NOL10: variants seen among roughly 807,000 people sequenced by gnomAD.
NOL10 encodes nucleolar protein 10, also known as H_NH0074G24.1.
NOL10 carries 58 observed loss-of-function variants against 103.5 expected under a neutral mutation model. The ratio of observed to expected loss-of-function variants is 0.56; its 90% CI spans 0.45 to 0.70. The LOEUF is 0.70. Among genes scored for constraint, NOL10 ranks in the 30% least tolerant of loss-of-function variants. The pLI is 0.00. For synonymous variants in NOL10, 287 were observed against 282.5 expected (o/e 1.02, Z -0.16); for missense variants, 763 against 807.3 (o/e 0.95, Z 0.67).
chr2:10,614,202 C>T (rs752638408), intron 13 of NOL10, among the ~76,000 whole-genome samples: 16 of 152,028 alleles, frequency 1.1e-4, no homozygotes, highest in Admixed American at 2.6e-4. Context: ...TCGGGTGATC[C>T]GCTCACCTCG....
At chr2:10,604,274 C>T (rs1389175653) in intron 14 of NOL10, among the ~76,000 whole-genome samples, 1 of 152,220 alleles carries the variant, frequency 6.6e-6, no homozygotes, top group Non-Finnish European at 1.5e-5. Context: ...GTATAAGTGA[C>T]TGTCTTTCTA....
At chr2:10,639,295 G>A (rs867321831) in intron 13 of NOL10, among the ~76,000 whole-genome samples, 27 of 152,108 alleles carry the variant, frequency 1.8e-4, no homozygotes, top group Non-Finnish European at 2.6e-4. Context: ...GGCAGCGTGC[G>A]CCTATAGTCC....
At chr2:10,675,351 A>G (rs1243369037) in intron 4 of NOL10, among the ~76,000 whole-genome samples, 1 of 152,164 alleles carries the variant, frequency 6.6e-6, no homozygotes, top group African/African-American at 2.4e-5. Context: ...GACAGCCAGA[A>G]GGAAATGGGA....
intron 19 of NOL10, among the ~76,000 whole-genome samples, chr2:10,578,202 C>A (rs1475375093): frequency 2.0e-5 from 3 of 152,176 alleles, no homozygotes; most frequent in Non-Finnish European, 4.4e-5. Flanking sequence ...CAAATTAAGT[C>A]CTCCAGGTCA....
intron 1 of NOL10, among the ~76,000 whole-genome samples, chr2:10,688,215 C>G (rs544535805): frequency 1.8e-4 from 28 of 152,190 alleles, no homozygotes; most frequent in Non-Finnish European, 3.2e-4. Context: ...AGTCGCTCAC[C>G]TGGACTACCT....
At chr2:10,684,418 G>A (rs1329313717) in intron 2 of NOL10, 149 bp downstream of exon 2, 2 of 656,706 alleles carry the variant, frequency 3.0e-6, no homozygotes, top group African/African-American at 3.7e-5. Flanking sequence ...CCATGTCAAA[G>A]GAAAAAAAAG....
intron 19 of NOL10, 72 bp from the exon 20 acceptor site, chr2:10,577,810 AT>A: frequency 1.0e-6 from 1 of 980,480 alleles, no homozygotes; most frequent in Non-Finnish European, 1.6e-6. Flanking sequence ...ACAAGTTTTG[AT>A]TAGAATTGAT....
chr2:10,640,276 ACC>A (rs1678610819), intron 13 of NOL10, among the ~76,000 whole-genome samples: 1 of 152,178 alleles, frequency 6.6e-6, no homozygotes, highest in Non-Finnish European at 1.5e-5. Flanking sequence ...AGGCTTTCAG[ACC>A]CCTGGGCTCT....
chr2:10,603,270 T>C (rs1211349933), intron 14 of NOL10, 113 bp from the exon 15 acceptor site: 1 of 730,434 alleles, frequency 1.4e-6, no homozygotes, highest in African/African-American at 1.8e-5. Flanking sequence ...AGACTAAAAA[T>C]TTAAGGATTA....
At position 10,571,818 on chromosome 2, in the gene NOL10, C is replaced by A; in HGVS notation, c.*253G>T. On this transcript the variant is annotated 3_prime_UTR_variant, in exon 21 of 21. Transcript: ENST00000381685. Reference sequence around the variant, plus strand: ...CCAGCCTGGTTTTCATGATTAACGCCGTGGGGAAAGGACAATGTTTCCAGG... The same window carrying A: ...CCAGCCTGGTTTTCATGATTAACGCAGTGGGGAAAGGACAATGTTTCCAGG... 1 of 352,524 alleles carries A rather than the reference C, an allele frequency of 2.8e-6. No individual in the cohort carries two copies. Among genetic ancestry groups the A allele is most frequent in the African/African-American group, 2.1e-5 (1 of 47,520 alleles). The allele number at this position is 352,524 out of a possible 1,614,324, so 21.8% of individuals were successfully genotyped here.
intron 13 of NOL10, 80 bp from the exon 14 acceptor site, chr2:10,607,391 G>A (rs1161601148): frequency 7.0e-7 from 1 of 1,425,734 alleles, no homozygotes; most frequent in Non-Finnish European, 9.3e-7. Context: ...ACCAGATTTT[G>A]TTAAACATGA....
chr2:10,658,859 G>A (rs1343072736), intron 10 of NOL10, among the ~76,000 whole-genome samples: 1 of 152,146 alleles, frequency 6.6e-6, no homozygotes, highest in Non-Finnish European at 1.5e-5. Context: ...TGGGGGGATC[G>A]CCTGAGCCCA....
chr2:10,668,643 A>G lies in NOL10; in HGVS notation c.530+15T>C. 1 of 1,267,846 alleles carries G rather than the reference A, an allele frequency of 7.9e-7. No homozygotes were observed. The highest frequency in any genetic ancestry group is 1.0e-6 in the Non-Finnish European group (1 of 957,416). The allele number at this position is 1,267,846 out of a possible 1,614,324, so 78.5% of individuals were successfully genotyped here. On this transcript the variant is annotated intron_variant, in intron 7 of 20. Coordinates refer to ENST00000381685, the MANE Select transcript of NOL10 (RefSeq NM_024894.4). ...TGGTCAAAATGTATATAGCAGAATT[A>G]CTAAAACTACTCACGCAGCATCAGT...
At chr2:10,578,133 C>T (rs149735696) in intron 19 of NOL10, among the ~76,000 whole-genome samples, 23 of 152,272 alleles carry the variant, frequency 1.5e-4, no homozygotes, top group African/African-American at 5.1e-4. Context: ...TTAAACAATA[C>T]ACAAATTAGG....
chr2:10,667,723 G>A (rs1457329961), intron 7 of NOL10, among the ~76,000 whole-genome samples: 1 of 152,086 alleles, frequency 6.6e-6, no homozygotes, highest in Non-Finnish European at 1.5e-5. Context: ...CCTACCTCGG[G>A]GGGTTGTTAT....
At chr2:10,671,751 T>C in intron 5 of NOL10, 61 bp from the exon 6 acceptor site, 1 of 1,336,448 alleles carries the variant, frequency 7.5e-7, no homozygotes, top group South Asian at 1.4e-5. Context: ...TACTTCATTA[T>C]CGCTAAAAAA....
At chr2:10,615,973 C>A (rs1041801723) in intron 13 of NOL10, among the ~76,000 whole-genome samples, 1 of 152,092 alleles carries the variant, frequency 6.6e-6, no homozygotes, top group African/African-American at 2.4e-5. Context: ...TAATGGCAGT[C>A]TAGACATCAA....
Position 10,589,197 on chromosome 2 carries a change from G to A in NOL10, c.1690C>T (p.Gln564Ter), listed in dbSNP as rs773975890. The change falls in exon 19 of 21, where the codon CAA becomes TAA. Residue 564 changes from glutamine (Q) to a stop codon, truncating the protein, a stop_gained. Coordinates refer to ENST00000381685, the MANE Select transcript of NOL10 (RefSeq NM_024894.4). LOFTEE classifies it high-confidence loss of function. ...TCCTCCTGCTGGAGGAGTCTGCGTT[G>A]CTTCCTGACCTCTTCAACCCAGGCT... Reference protein sequence around the residue: ...EKAWVEEVRKQRRLLQQEEKV... With the variant: ...EKAWVEEVRK 6.2e-7 allele frequency: 1 copy of A among 1,613,972 alleles called. No individual in the cohort carries two copies. The highest frequency in any genetic ancestry group is 8.5e-7 in the Non-Finnish European group (1 of 1,179,874).
In NOL10 at chr2:10,603,112, T is replaced by G. The variant is rs747337837; in HGVS notation, c.1199A>C (p.His400Pro). Residue 400 changes from histidine to proline, a missense_variant, in exon 15 of 21, where the codon CAT becomes CCT. By Grantham distance (77) the His-to-Pro change is moderately conservative. Coordinates refer to ENST00000381685, the MANE Select transcript of NOL10 (RefSeq NM_024894.4). ...IGSPFLRAYMHGFFMDIRLYH... is the reference protein window; with the variant it reads ...IGSPFLRAYMPGFFMDIRLYH... ...GAGTCTTATATCCATGAAAAACCCA[T>G]GCATATATGCCCGGAGGAAAGGAGA... 6.2e-7 allele frequency: 1 copy of G among 1,611,640 alleles called. No homozygotes were observed. Among genetic ancestry groups the G allele is most frequent in the Non-Finnish European group, 8.5e-7 (1 of 1,178,780 alleles).
Sources: allele counts gnomAD v4.1 joint callset (sites outside exome capture counted in the v4.1 genomes callset), GRCh38; gene constraint gnomAD v4.1.1; transcripts MANE v1.5; gene names NCBI Gene and HGNC (gene_info 2026-07-23, HGNC 2026-07-21).